Variants in ADGRL3 observed in about 807,000 individuals in gnomAD.
ADGRL3 encodes the protein adhesion G protein-coupled receptor L3, also known as calcium-independent alpha-latrotoxin receptor 3.
Under a neutral mutation model 153.5 loss-of-function variants are expected in ADGRL3, and 62 were observed. The ratio of observed to expected loss-of-function variants is 0.40; its 90% confidence interval spans 0.33 to 0.50. ADGRL3 has a LOEUF of 0.50. Ranked by LOEUF, ADGRL3 falls within the 20% of genes least tolerant of loss-of-function variation. The probability of loss-of-function intolerance (pLI) is 0.47; values close to 1 mark genes in which losing one functional copy is unlikely to be tolerated. For missense variants in ADGRL3, 1,641 were observed against 1,859.4 expected (o/e 0.88, Z 2.16); for synonymous variants, 710 against 672.5 (o/e 1.06, Z -0.86).
intron 2 of ADGRL3, among the ~76,000 whole-genome samples, chr4:61,474,571 G>T (rs538625076): frequency 3.3e-5 from 5 of 151,976 alleles, no homozygotes; most frequent in Non-Finnish European, 7.4e-5. Context: ...TTAAGAAAAA[G>T]AAAAAGAAAA....
At chr4:61,346,466 A>G (rs1174971030) in intron 1 of ADGRL3, among the ~76,000 whole-genome samples, 1 of 151,990 alleles carries the variant, frequency 6.6e-6, no homozygotes, top group Non-Finnish European at 1.5e-5. Flanking sequence ...TGGTGGTGTC[A>G]TAAAAAGCTA....
At chr4:61,850,724 T>C (rs2098192244) in intron 9 of ADGRL3, among the ~76,000 whole-genome samples, 1 of 152,220 alleles carries the variant, frequency 6.6e-6, no homozygotes, top group Non-Finnish European at 1.5e-5. Context: ...TAATAATAGC[T>C]ATCAATATTT....
chr4:61,487,968 C>T (rs1037894534), intron 2 of ADGRL3, among the ~76,000 whole-genome samples: 1 of 151,884 alleles, frequency 6.6e-6, no homozygotes, highest in Non-Finnish European at 1.5e-5. Flanking sequence ...TCAATATAGA[C>T]AAATATTATC....
intron 15 of ADGRL3, among the ~76,000 whole-genome samples, chr4:61,937,411 T>G (rs562879180): frequency 6.6e-6 from 1 of 152,026 alleles, no homozygotes; most frequent in East Asian, 1.9e-4. Context: ...TTTTTTTTTT[T>G]TTTGCATTTT....
At chr4:61,886,020 G>C (rs779557177) in intron 9 of ADGRL3, among the ~76,000 whole-genome samples, 23 of 152,066 alleles carry the variant, frequency 1.5e-4, no homozygotes, top group Non-Finnish European at 2.8e-4. Context: ...TAAACAGATA[G>C]CTTCCTCAAT....
intron 9 of ADGRL3, among the ~76,000 whole-genome samples, chr4:61,861,815 G>A (rs775067827): frequency 4.1e-4 from 62 of 151,960 alleles, no homozygotes; most frequent in Admixed American, 1.5e-3. Flanking sequence ...GGTCCTACAC[G>A]TACATGTCTA....
chr4:61,290,654 G>T (rs560214271), intron 1 of ADGRL3, among the ~76,000 whole-genome samples: 218 of 136,286 alleles, frequency 1.6e-3, no homozygotes, highest in Non-Finnish European at 2.6e-3. Context: ...TATAAAGGAA[G>T]GAAGGAAGAA....
intron 22 of ADGRL3, among the ~76,000 whole-genome samples, chr4:62,030,706 A>G (rs1721527060): frequency 6.6e-6 from 1 of 151,502 alleles, no homozygotes; most frequent in East Asian, 1.9e-4. Context: ...AGACACTTCA[A>G]AAAAGTTTCC....
chr4:61,974,730 C>G lies in ADGRL3; in HGVS notation c.2806-4833C>G, dbSNP rs2099041969. Among the ~76,000 whole-genome samples the G allele has an allele frequency of 7.2e-5, 11 of 152,158 alleles. No homozygotes were observed. The South Asian group carries it at 2.3e-3, about 32-fold the overall frequency. Reference sequence around the variant, plus strand: ...CTTTAGACTCCAAGAATTAATTACTCAAGATTCCTCTTATTTACATCTGTA... The same window carrying G: ...CTTTAGACTCCAAGAATTAATTACTGAAGATTCCTCTTATTTACATCTGTA... On this transcript the variant is annotated intron_variant, in intron 17 of 26. Coordinates refer to ENST00000683033, the MANE Select transcript of ADGRL3 (RefSeq NM_001387552.1).
chr4:61,425,584 A>G (rs1438285018), intron 2 of ADGRL3: 1 of 152,310 alleles, frequency 6.6e-6, no homozygotes, highest in African/African-American at 2.4e-5. Context: ...ATACAGGCTA[A>G]CCATTCATTT....
At chr4:61,990,422 G>A (rs2099099683) in intron 19 of ADGRL3, among the ~76,000 whole-genome samples, 1 of 151,788 alleles carries the variant, frequency 6.6e-6, no homozygotes, top group Non-Finnish European at 1.5e-5. Flanking sequence ...TTGAAAATGG[G>A]GAGTGACTTT....
intron 4 of ADGRL3, among the ~76,000 whole-genome samples, chr4:61,536,263 A>T (rs866943429): frequency 4.5e-4 from 69 of 152,108 alleles, no homozygotes; most frequent in African/African-American, 1.6e-3. Flanking sequence ...TATTATTTCA[A>T]TTCTTTCGAG....
intron 8 of ADGRL3, among the ~76,000 whole-genome samples, chr4:61,762,380 C>G (rs939708824): frequency 6.6e-6 from 1 of 152,034 alleles, no homozygotes; most frequent in Non-Finnish European, 1.5e-5. Flanking sequence ...AGTTTAACAT[C>G]TCTCTTTTTA....
At chr4:62,021,381 A>G (rs554658782) in intron 21 of ADGRL3, among the ~76,000 whole-genome samples, 1 of 152,280 alleles carries the variant, frequency 6.6e-6, no homozygotes, top group Admixed American at 6.5e-5. Flanking sequence ...GCTGGCATTC[A>G]AATTCAGGCA....
At chr4:61,250,991 G>A (rs1322763534) in intron 1 of ADGRL3, among the ~76,000 whole-genome samples, 1 of 152,082 alleles carries the variant, frequency 6.6e-6, no homozygotes, top group Non-Finnish European at 1.5e-5. Context: ...AATTAACTTA[G>A]AAAACTAGAT....
intron 2 of ADGRL3, among the ~76,000 whole-genome samples, chr4:61,465,775 A>ATATATC (rs1457456010): frequency 6.8e-6 from 1 of 146,134 alleles, no homozygotes; most frequent in Non-Finnish European, 1.5e-5. Flanking sequence ...ATATATATAT[A>ATATATC]TATCTTATAT....
intron 6 of ADGRL3, among the ~76,000 whole-genome samples, chr4:61,719,577 C>T (rs113962994): frequency 5.3e-5 from 8 of 151,268 alleles, no homozygotes; most frequent in African/African-American, 1.5e-4. Flanking sequence ...TTCTTCTAAC[C>T]CTGCATTTCT....
At chr4:61,369,714 G>A (rs945847863) in intron 1 of ADGRL3, among the ~76,000 whole-genome samples, 10 of 152,046 alleles carry the variant, frequency 6.6e-5, no homozygotes, top group African/African-American at 2.2e-4. Context: ...GTCTCTGCCC[G>A]GTTTGGTATC....
intron 19 of ADGRL3, among the ~76,000 whole-genome samples, chr4:61,994,503 G>GTT (rs550849894): frequency 7.0e-6 from 1 of 143,734 alleles, no homozygotes; most frequent in Non-Finnish European, 1.5e-5. Flanking sequence ...TTGGTTCAAG[G>GTT]TTTTTTTTTT....
Sources: gnomAD v4.1 joint callset for allele counts (sites outside exome capture counted in the v4.1 genomes callset) on GRCh38, gnomAD v4.1.1 for gene constraint, MANE v1.5 for transcripts, NCBI Gene and HGNC (gene_info 2026-07-23, HGNC 2026-07-21) for gene names.